Variants in ACER1 observed in about 807,000 individuals in gnomAD.
ACER1 encodes CTB-180A7.3.
ACER1 carries 28 observed loss-of-function variants against 24.9 expected under a neutral mutation model. That is an observed-to-expected ratio of 1.13 (90% confidence interval 0.83 to 1.54). The LOEUF (loss-of-function observed/expected upper bound fraction) is 1.54. Among genes scored for constraint, ACER1 ranks in the 40% most tolerant of loss-of-function variants. ACER1 has a pLI of 0.00. For missense variants in ACER1, 352 were observed against 349.3 expected (o/e 1.01, Z -0.06); for synonymous variants, 132 against 131.4 (o/e 1.00, Z -0.03).
upstream of ACER1, among the ~76,000 whole-genome samples, chr19:6,334,330 G>A (rs138550648): frequency 1.2e-3 from 177 of 151,326 alleles, no homozygotes; most frequent in African/African-American, 4.0e-3. Flanking sequence ...AGGTGTGCGT[G>A]AGCCACCGTG....
intron 4 of ACER1, among the ~76,000 whole-genome samples, chr19:6,308,413 C>T (rs977717882): frequency 1.5e-5 from 2 of 130,432 alleles, no homozygotes; most frequent in African/African-American, 3.0e-5. Flanking sequence ...CCAGCCTGGG[C>T]GACAAGAGTG....
the ACER1 span, among the ~76,000 whole-genome samples, chr19:6,349,383 AGGAAGGAG>A: frequency 7.2e-6 from 1 of 139,692 alleles, no homozygotes; most frequent in Non-Finnish European, 1.6e-5. Flanking sequence ...GAGGGAGGGA[AGGAAGGAG>A]GGAGGGAGGG....
At chr19:6,312,656 T>C (rs2091587836) in intron 1 of ACER1, among the ~76,000 whole-genome samples, 157 bp from the exon 2 acceptor site, 1 of 150,252 alleles carries the variant, frequency 6.7e-6, no homozygotes, top group African/African-American at 2.5e-5. Context: ...CTGTCAACCT[T>C]TCAGCCGACC....
chr19:6,333,605 T>G lies in ACER1; in HGVS notation c.-54A>C. 6.8e-7 allele frequency: 1 copy of G among 1,479,710 alleles called. No individual in the cohort carries two copies. Among genetic ancestry groups the G allele is most frequent in the Non-Finnish European group, 9.2e-7 (1 of 1,090,808 alleles). 91.7% of individuals were successfully genotyped at this position (1,479,710 alleles called of 1,614,324 possible). A position where few individuals can be genotyped will look rare whatever the true frequency, so the allele number is the denominator to read the frequency against. ...TGCGCCCGGCAGAGAGAAGGCGAGC[T>G]TGGGAAGGCTGGGCCCTGATGAGGC... On this transcript the variant is annotated 5_prime_UTR_variant, in exon 1 of 6. Transcript: ENST00000301452.
chr19:6,348,654 A>G, the ACER1 span, among the ~76,000 whole-genome samples: 15 of 151,514 alleles, frequency 9.9e-5, no homozygotes, highest in Non-Finnish European at 1.5e-4. Flanking sequence ...ACAGGCATTA[A>G]AAAAAAAGAT....
chr19:6,334,107 T>C (rs1386359778), upstream of ACER1, among the ~76,000 whole-genome samples: 1 of 150,450 alleles, frequency 6.6e-6, no homozygotes, highest in Non-Finnish European at 1.5e-5. Flanking sequence ...TGCAGTGGCA[T>C]GATCTCAGCT....
chr19:6,348,988 G>A, the ACER1 span, among the ~76,000 whole-genome samples: 7 of 151,808 alleles, frequency 4.6e-5, no homozygotes, highest in East Asian at 1.9e-4. Context: ...CCCAGGAGGC[G>A]CGGGTTGCAG....
the ACER1 span, among the ~76,000 whole-genome samples, chr19:6,359,818 G>A: frequency 6.6e-6 from 1 of 152,088 alleles, no homozygotes; most frequent in Non-Finnish European, 1.5e-5. Context: ...AACCTAGGAG[G>A]TAGGTTATCA....
intron 1 of ACER1, among the ~76,000 whole-genome samples, chr19:6,315,179 G>C (rs960181893): frequency 7.0e-6 from 1 of 142,816 alleles, no homozygotes; most frequent in South Asian, 2.3e-4. Context: ...CACTGCACCC[G>C]GCCTTATTTA....
At chr19:6,332,625 G>A (rs933674915) in intron 1 of ACER1, among the ~76,000 whole-genome samples, 10 of 151,954 alleles carry the variant, frequency 6.6e-5, no homozygotes, top group African/African-American at 2.4e-4. Context: ...GGAAAGAGAA[G>A]ACCACCTCAG....
chr19:6,324,595 TA>T lies in ACER1; in HGVS notation c.93+8863del, dbSNP rs375248245. 8.0e-3 allele frequency among the ~76,000 whole-genome samples: 1,108 copies of T among 137,792 alleles called. 7 individuals carry two copies. The highest frequency in any genetic ancestry group is 0.021 in the African/African-American group (784 of 37,728). 90.4% of individuals were successfully genotyped at this position (137,792 alleles called of 152,430 possible). A position where few individuals can be genotyped will look rare whatever the true frequency, so the allele number is the denominator to read the frequency against. On this transcript the variant is annotated intron_variant, in intron 1 of 5. Transcript: ENST00000301452. ...CAACATGGAGAAACCCCATCTCTAC[TA>T]AAAAAAAAAAAATACAAAATTAACC...
chr19:6,308,733 C>G (rs1330530340), intron 4 of ACER1, among the ~76,000 whole-genome samples: 1 of 151,874 alleles, frequency 6.6e-6, no homozygotes, highest in Non-Finnish European at 1.5e-5. Flanking sequence ...TTTTTGTAAT[C>G]AGGGGAGTTA....
the ACER1 span, among the ~76,000 whole-genome samples, chr19:6,345,608 A>G: frequency 0.057 from 8,288 of 145,814 alleles, 386 homozygotes; most frequent in African/African-American, 0.13. Flanking sequence ...TCTGTCACCC[A>G]GGCTGGAGTG....
intron 1 of ACER1, among the ~76,000 whole-genome samples, chr19:6,323,418 CAA>C (rs368086357): frequency 5.5e-5 from 7 of 128,354 alleles, no homozygotes; most frequent in African/African-American, 1.7e-4. Context: ...GACTCCGTCT[CAA>C]AAAAAAAAAA....
chr19:6,354,152 A>G, the ACER1 span, among the ~76,000 whole-genome samples: 1 of 151,956 alleles, frequency 6.6e-6, no homozygotes, highest in Admixed American at 6.6e-5. Context: ...ACTGCACCCC[A>G]GCCTGGACAA....
intron 5 of ACER1, 97 bp from the exon 6 acceptor site, chr19:6,306,979 G>A: frequency 6.6e-7 from 1 of 1,508,182 alleles, no homozygotes; most frequent in Admixed American, 2.1e-5. Context: ...CATCCATCCA[G>A]GGGAGCCTTC....
the ACER1 span, among the ~76,000 whole-genome samples, chr19:6,358,712 T>C: frequency 6.6e-6 from 1 of 150,992 alleles, no homozygotes; most frequent in Non-Finnish European, 1.5e-5. Flanking sequence ...GGCGGGTGGA[T>C]CACCTGAGGT....
intron 1 of ACER1, among the ~76,000 whole-genome samples, chr19:6,331,781 G>A (rs1216527212): frequency 2.0e-5 from 3 of 149,682 alleles, no homozygotes; most frequent in African/African-American, 7.6e-5. Flanking sequence ...GTGACAAAGC[G>A]AGACTCCGTT....
chr19:6,347,764 A>G, the ACER1 span, among the ~76,000 whole-genome samples: 1 of 151,998 alleles, frequency 6.6e-6, no homozygotes, highest in Admixed American at 6.5e-5. Flanking sequence ...TGAACCCAGG[A>G]GGTGGAGGCT....
Sources: allele counts gnomAD v4.1 joint callset (sites outside exome capture counted in the v4.1 genomes callset), GRCh38; gene constraint gnomAD v4.1.1; transcripts MANE v1.5; gene names NCBI Gene and HGNC (gene_info 2026-07-23, HGNC 2026-07-21).